Variants in PRKAB1 observed in about 807,000 individuals in gnomAD.
The protein encoded by PRKAB1 is protein kinase AMP-activated non-catalytic subunit beta 1.
A neutral mutation model predicts 32.0 loss-of-function variants in PRKAB1; 18 were observed. The ratio of observed to expected loss-of-function variants is 0.56; its 90% CI spans 0.39 to 0.83. The LOEUF (loss-of-function observed/expected upper bound fraction) is 0.83. Ranked by LOEUF, PRKAB1 falls within the 40% of genes least tolerant of loss-of-function variation. The probability of loss-of-function intolerance (pLI) is 0.00; values close to 1 mark genes in which losing one functional copy is unlikely to be tolerated. For synonymous variants in PRKAB1, 141 were observed against 141.4 expected (o/e 1.00, Z 0.02); for missense variants, 263 against 352.6 (o/e 0.75, Z 2.03).
chr12:119,679,783 T>C lies in PRKAB1; in HGVS notation c.667-150T>C. On this transcript the variant is annotated intron_variant, in intron 5 of 6. Transcript: ENST00000229328. The surrounding 1 kb of genome is among the most constrained non-coding windows in gnomAD (Gnocchi z 4.1). Reference sequence around the variant, plus strand: ...GGCGTGACCTTCATCTCACCTGTCGTCTTGGACAAGCCCTTGCGCTGCCTG... The same window carrying C: ...GGCGTGACCTTCATCTCACCTGTCGCCTTGGACAAGCCCTTGCGCTGCCTG... 1 of 778,888 alleles carries C rather than the reference T, an allele frequency of 1.3e-6. No homozygotes were observed. The highest frequency in any genetic ancestry group is 2.2e-6 in the Non-Finnish European group (1 of 457,722). 48.2% of individuals were successfully genotyped at this position (778,888 alleles called of 1,614,324 possible).
At chr12:119,675,967 A>G (rs546326825) in intron 4 of PRKAB1, among the ~76,000 whole-genome samples, 1 of 152,350 alleles carries the variant, frequency 6.6e-6, no homozygotes, top group South Asian at 2.1e-4. Flanking sequence ...CAGATACTCA[A>G]GCAAGAGTTT....
chr12:119,680,330 C>CT lies in PRKAB1; in HGVS notation c.*6dup. The CT allele has an allele frequency of 6.2e-7, 1 of 1,613,256 alleles. No homozygotes were observed. The highest frequency in any genetic ancestry group is 2.2e-5 in the East Asian group (1 of 44,870). The stretch of plus-strand genomic sequence containing the variant: ...TTGTTATACAAGCCCATATGAAGAG[C>CT]TGGGGGCGGATGGTGGCCCAGGAGA... On this transcript the variant is annotated 3_prime_UTR_variant, in exon 7 of 7. Coordinates refer to ENST00000229328, the MANE Select transcript of PRKAB1 (RefSeq NM_006253.5).
At chr12:119,680,099 AGCTTCCAGGGTCTG>A (rs1955452974) in intron 6 of PRKAB1, 98 bp downstream of exon 6, 4 of 1,512,028 alleles carry the variant, frequency 2.6e-6, no homozygotes, top group African/African-American at 1.4e-5. Context: ...CTTAAAGGGC[AGCTTCCAGGGTCTG>A]GCACAGGCCA....
intron 2 of PRKAB1, among the ~76,000 whole-genome samples, chr12:119,673,235 A>G (rs1955400060): frequency 6.6e-6 from 1 of 152,186 alleles, no homozygotes; most frequent in African/African-American, 2.4e-5. Flanking sequence ...GTCTCCAAAA[A>G]GAAAAGAAAA....
Position 119,680,870 on chromosome 12 carries a change from A to G in PRKAB1, c.*545A>G, listed in dbSNP as rs986002029. 1.6e-4 allele frequency: 24 copies of G among 152,980 alleles called. No individual in the cohort carries two copies. Among genetic ancestry groups the G allele is most frequent in the African/African-American group, 5.3e-4 (22 of 41,446 alleles). The allele number at this position is 152,980 out of a possible 1,614,324, so 9.5% of individuals were successfully genotyped here. ...TCGGCTCCAGGGAGGTGTCATTTCT[A>G]TAGAAATTAGAAGCTTTCTGATTTC... On this transcript the variant is annotated 3_prime_UTR_variant, in exon 7 of 7. Transcript: ENST00000229328.
At position 119,673,885 on chromosome 12, in the gene PRKAB1, T is replaced by G. The variant is rs890232582; in HGVS notation, c.324-79T>G. The G allele has an allele frequency of 4.5e-5, 53 of 1,187,336 alleles. No individual in the cohort carries two copies. In the African/African-American group the frequency reaches 8.0e-4, roughly 18 times the overall value. 73.6% of individuals were successfully genotyped at this position (1,187,336 alleles called of 1,614,324 possible). A position where few individuals can be genotyped will look rare whatever the true frequency, so the allele number is the denominator to read the frequency against. Reference sequence around the variant, plus strand: ...CTCTTGGTTTTATGTGGAAACGTTTTGTTCTGTAGCTGGTTTGGCAAGTAA... The same window carrying G: ...CTCTTGGTTTTATGTGGAAACGTTTGGTTCTGTAGCTGGTTTGGCAAGTAA... On this transcript the variant is annotated intron_variant, in intron 2 of 6. Transcript: ENST00000229328.
At chr12:119,671,372 T>TAGGTTTGAG (rs1370581890) in intron 1 of PRKAB1, 2 of 264,848 alleles carry the variant, frequency 7.6e-6, no homozygotes, top group Non-Finnish European at 7.8e-6. Context: ...GTTCTCATGC[T>TAGGTTTGAG]ACTATGTAGA....
chr12:119,680,236 C>G lies in PRKAB1; in HGVS notation c.736-12C>G. 6.2e-7 allele frequency: 1 copy of G among 1,612,992 alleles called. No individual in the cohort carries two copies. Among genetic ancestry groups the G allele is most frequent in the South Asian group, 1.1e-5 (1 of 91,012 alleles). On this transcript the variant is annotated splice_polypyrimidine_tract_variant and intron_variant, in intron 6 of 6. Transcript: ENST00000229328. ...TAGTCCAGCCTTTGATCATTTCCAC[C>G]TTGTTCCTTAGGATGGAGTGATGGT...
intron 6 of PRKAB1, 107 bp downstream of exon 6, chr12:119,680,108 G>A (rs1341698674): frequency 6.7e-7 from 1 of 1,498,818 alleles, no homozygotes; most frequent in Non-Finnish European, 9.3e-7. Context: ...CAGCTTCCAG[G>A]GTCTGGCACA....
chr12:119,672,883 G>C (rs372164427), intron 2 of PRKAB1, among the ~76,000 whole-genome samples: 21 of 152,362 alleles, frequency 1.4e-4, no homozygotes, highest in African/African-American at 4.8e-4. Flanking sequence ...TATTGGACCA[G>C]ATCATCTCTG....
At position 119,673,982 on chromosome 12, in the gene PRKAB1, C is replaced by T. The variant is rs1285977835; in HGVS notation, c.342C>T (p.Ala114=). 9 of 1,613,382 alleles carry T rather than the reference C, an allele frequency of 5.6e-6. No homozygotes were observed. Among genetic ancestry groups the T allele is most frequent in the Non-Finnish European group, 8.5e-7 (1 of 1,179,752 alleles). ...CTTGCAGCCACAATAACTTTGTAGC[C>T]ATCCTGGATCTGCCGGAAGGAGAGC... is the stretch of plus-strand genomic sequence containing the variant. The part of the protein sequence containing the change: ...PLTRSHNNFV[A]ILDLPEGEHQ... The change falls in exon 3 of 7, where the codon GCC becomes GCT. Residue 114 remains alanine, a synonymous_variant. Coordinates refer to ENST00000229328, the MANE Select transcript of PRKAB1 (RefSeq NM_006253.5).
chr12:119,675,210 G>A (rs945723008), intron 4 of PRKAB1, among the ~76,000 whole-genome samples: 2 of 152,208 alleles, frequency 1.3e-5, no homozygotes, highest in South Asian at 4.1e-4. Flanking sequence ...AGATGCCCTG[G>A]CAGAATATCT....
chr12:119,673,112 C>A (rs1955399347), intron 2 of PRKAB1, among the ~76,000 whole-genome samples: 1 of 152,042 alleles, frequency 6.6e-6, no homozygotes, highest in Non-Finnish European at 1.5e-5. Context: ...CACCTGTATC[C>A]CCAGCTACTC....
chr12:119,670,439 A>C (rs1329872219), intron 1 of PRKAB1, among the ~76,000 whole-genome samples: 4 of 152,150 alleles, frequency 2.6e-5, no homozygotes, highest in Non-Finnish European at 5.9e-5. Context: ...TGGCCCTACA[A>C]CCTGTGGTTT....
At chr12:119,668,116 T>G, upstream of PRKAB1, 1 of 1,155,406 alleles carries the variant, frequency 8.7e-7, no homozygotes, top group Non-Finnish European at 1.1e-6. Context: ...CCGAGGGGCG[T>G]GGTGTCCTGG....
chr12:119,673,683 G>A lies in PRKAB1; in HGVS notation c.324-281G>A, dbSNP rs564965506. The A allele has an allele frequency of 6.0e-5, 17 of 281,286 alleles. No individual in the cohort carries two copies. The Middle Eastern group carries it at 2.9e-3, about 49-fold the overall frequency. 17.4% of individuals were successfully genotyped at this position (281,286 alleles called of 1,614,324 possible). On this transcript the variant is annotated intron_variant, in intron 2 of 6. Transcript: ENST00000229328. The stretch of plus-strand genomic sequence containing the variant: ...TCCAGGAGCCTTGCGAGCTTGAGAC[G>A]CACAAATGCCTGACTGTTGACCTTT...
chr12:119,672,272 G>C, intron 1 of PRKAB1, 29 bp from the exon 2 acceptor site: 1 of 1,566,764 alleles, frequency 6.4e-7, no homozygotes. Context: ...CTCGCTTATG[G>C]CTTTCTGAGT....
chr12:119,674,357 G>T lies in PRKAB1; in HGVS notation c.435G>T (p.Gln145His). ...HDPSEPIVTSQLGTVNNIIQV... is the reference protein window; with the variant it reads ...HDPSEPIVTSHLGTVNNIIQV... Reference sequence around the variant, plus strand: ...CTTCCCAGCCCATAGTAACCAGCCAGCTTGGCACAGTTAACAACATCATTC... The same window carrying T: ...CTTCCCAGCCCATAGTAACCAGCCATCTTGGCACAGTTAACAACATCATTC... The change falls in exon 4 of 7, where the codon CAG becomes CAT. Residue 145 changes from glutamine to histidine, a missense_variant. Physicochemically the swap from Gln to His is conservative, Grantham distance 24. Coordinates refer to ENST00000229328, the MANE Select transcript of PRKAB1 (RefSeq NM_006253.5). This position sits in a 1 kb window ranked among gnomAD's most constrained non-coding sequence, Gnocchi z 4.3. 1 of 1,613,876 alleles carries T rather than the reference G, an allele frequency of 6.2e-7. No individual in the cohort carries two copies.
chr12:119,680,349 C>T lies in PRKAB1; in HGVS notation c.*24C>T, dbSNP rs201605536. The T allele has an allele frequency of 1.8e-4, 280 of 1,587,514 alleles. 1 individual carries two copies. In the African/African-American group the frequency reaches 3.4e-3, roughly 19 times the overall value. On this transcript the variant is annotated 3_prime_UTR_variant, in exon 7 of 7. Coordinates refer to ENST00000229328, the MANE Select transcript of PRKAB1 (RefSeq NM_006253.5). ...GAAGAGCTGGGGGCGGATGGTGGCCCAGGAGACAGCACACCACCAGGCTCC... is the reference window on the plus strand; with the variant it reads ...GAAGAGCTGGGGGCGGATGGTGGCCTAGGAGACAGCACACCACCAGGCTCC...
Sources: gnomAD v4.1 joint callset for allele counts (sites outside exome capture counted in the v4.1 genomes callset) on GRCh38, gnomAD v4.1.1 for gene constraint, Gnocchi (gnomAD v3.1) non-coding constraint, MANE v1.5 for transcripts, NCBI Gene and HGNC (gene_info 2026-07-23, HGNC 2026-07-21) for gene names.